The following YTHDF3 variants were observed in gnomAD, a reference collection of about 807,000 sequenced individuals.
YTHDF3 encodes the protein YTH N6-methyladenosine RNA binding protein F3, also known as YTH domain-containing family protein 3.
YTHDF3 carries 9 observed loss-of-function variants against 52.5 expected under a neutral mutation model. The observed-to-expected ratio is 0.17, with a 90% confidence interval of 0.10 to 0.30. The LOEUF (loss-of-function observed/expected upper bound fraction) is 0.30, where lower values mean the gene tolerates loss of function less well. YTHDF3 is among the 10% of genes least tolerant of loss of function. The pLI, the probability that YTHDF3 is intolerant of heterozygous loss-of-function variation, is 1.00. For missense variants in YTHDF3, 534 were observed against 715.0 expected, an observed-to-expected ratio of 0.75 and a Z score of 2.89; for synonymous variants, 274 against 243.3, an observed-to-expected ratio of 1.13 and a Z score of -1.18.
At chr8:63,175,668 A>G in intron 3 of YTHDF3, 1 of 306,142 alleles carries the variant, frequency 3.3e-6, no homozygotes. Context: ...TTATTTGTAT[A>G]TATTATGGTT....
chr8:63,185,010 A>T (rs1808404474), intron 3 of YTHDF3, among the ~76,000 whole-genome samples: 1 of 152,026 alleles, frequency 6.6e-6, no homozygotes, highest in African/African-American at 2.4e-5. Context: ...GGTCTCAGCT[A>T]CTCTGGGAGC....
intron 2 of YTHDF3, chr8:63,172,895 A>T: frequency 1.0e-6 from 1 of 980,732 alleles, no homozygotes; most frequent in Non-Finnish European, 1.3e-6. Flanking sequence ...ACTCCAAGAC[A>T]TTAGCTTGTC....
intron 4 of YTHDF3, among the ~76,000 whole-genome samples, chr8:63,208,372 C>T (rs574496680): frequency 2.4e-4 from 37 of 152,274 alleles, no homozygotes; most frequent in Admixed American, 7.2e-4. Flanking sequence ...TTGCAAAATA[C>T]GATTTATATT....
intron 4 of YTHDF3, among the ~76,000 whole-genome samples, chr8:63,201,117 A>C (rs895711337): frequency 6.6e-6 from 1 of 152,264 alleles, no homozygotes; most frequent in African/African-American, 2.4e-5. Context: ...TTTTTAAGCA[A>C]GGAAGTTACA....
At chr8:63,188,512 A>G (rs1808678806) in intron 4 of YTHDF3, among the ~76,000 whole-genome samples, 1 of 148,726 alleles carries the variant, frequency 6.7e-6, no homozygotes. Flanking sequence ...TTTATTGTAG[A>G]TAGAGGGTTT....
chr8:63,187,782 A>G (rs937264359), intron 4 of YTHDF3, 37 bp downstream of exon 4: 3 of 1,536,862 alleles, frequency 2.0e-6, no homozygotes, highest in African/African-American at 2.8e-5. Context: ...GGGTCTTTGT[A>G]TTGCTGGTGG....
At chr8:63,189,157 A>G (rs1386821698) in intron 4 of YTHDF3, 1 of 152,186 alleles carries the variant, frequency 6.6e-6, no homozygotes, top group Non-Finnish European at 1.5e-5. Flanking sequence ...TCCTGAAATA[A>G]AACATGCTGT....
intron 3 of YTHDF3, among the ~76,000 whole-genome samples, chr8:63,180,063 G>A (rs1807999181): frequency 6.7e-6 from 1 of 148,150 alleles, no homozygotes; most frequent in South Asian, 2.2e-4. Flanking sequence ...CGGCTGGCTG[G>A]GCGGGGGGCT....
chr8:63,180,462 C>T (rs1264428156), intron 3 of YTHDF3, among the ~76,000 whole-genome samples: 54 of 149,612 alleles, frequency 3.6e-4, no homozygotes, highest in South Asian at 2.1e-4. Context: ...AGATGGCGGC[C>T]GGGCAGAGAC....
At chr8:63,190,158 C>T (rs752274239) in intron 4 of YTHDF3, among the ~76,000 whole-genome samples, 10 of 152,066 alleles carry the variant, frequency 6.6e-5, no homozygotes, top group Admixed American at 2.0e-4. Context: ...GTTAGATGTC[C>T]GAGTCACAGA....
intron 3 of YTHDF3, among the ~76,000 whole-genome samples, chr8:63,183,918 A>G (rs888866856): frequency 1.3e-5 from 2 of 152,194 alleles, no homozygotes; most frequent in Admixed American, 6.5e-5. Context: ...AGTTAGTTGT[A>G]TGTAACCTAT....
At chr8:63,171,301 C>T (rs547170372) in intron 2 of YTHDF3, among the ~76,000 whole-genome samples, 2 of 152,120 alleles carry the variant, frequency 1.3e-5, no homozygotes, top group Non-Finnish European at 2.9e-5. Flanking sequence ...AGTCATAATT[C>T]CCATAATTCC....
rs1759201706 is a variant in YTHDF3 at position 63,209,954 on chromosome 8, G to A, written c.*248G>A. ...TGTCCTGAAGCTTTTACCAGTATCT[G>A]CTGTCTTTTGTAATTATGCATCCTA... is the stretch of plus-strand genomic sequence containing the variant. On this transcript the variant is annotated 3_prime_UTR_variant, in exon 5 of 5. Transcript: ENST00000539294. The A allele has an allele frequency of 2.5e-6, 1 of 406,396 alleles. No individual in the cohort carries two copies. 25.2% of individuals were successfully genotyped at this position (406,396 alleles called of 1,614,324 possible). A position where few individuals can be genotyped will look rare whatever the true frequency, so the allele number is the denominator to read the frequency against.
At position 63,187,830 on chromosome 8, in the gene YTHDF3, C is replaced by T. The variant is rs573733663; in HGVS notation, c.1734+85C>T. The stretch of plus-strand genomic sequence containing the variant: ...GGTATATTCTGAGTTTAAGAACTTT[C>T]TGTGAAGGAAACCAACTACTTAAGA... On this transcript the variant is annotated intron_variant, in intron 4 of 4. Coordinates refer to ENST00000539294, the MANE Select transcript of YTHDF3 (RefSeq NM_152758.6). The T allele has an allele frequency of 5.6e-6, 8 of 1,423,882 alleles. No individual in the cohort carries two copies. In the African/African-American group the frequency reaches 1.0e-4, roughly 18 times the overall value. 88.2% of individuals were successfully genotyped at this position (1,423,882 alleles called of 1,614,324 possible).
At chr8:63,201,997 G>C (rs1425137348) in intron 4 of YTHDF3, among the ~76,000 whole-genome samples, 1 of 152,068 alleles carries the variant, frequency 6.6e-6, no homozygotes, top group African/African-American at 2.4e-5. Flanking sequence ...GATCCTGCAT[G>C]TTCTTTTCTT....
At chr8:63,204,361 GTTTTT>G (rs1205321648) in intron 4 of YTHDF3, among the ~76,000 whole-genome samples, 3 of 124,850 alleles carry the variant, frequency 2.4e-5, no homozygotes, top group Non-Finnish European at 5.2e-5. Flanking sequence ...TGTGTTTGTT[GTTTTT>G]TTTTTTTTTT....
chr8:63,211,575 G>A lies in YTHDF3; in HGVS notation c.*1869G>A, dbSNP rs1162174905. On this transcript the variant is annotated 3_prime_UTR_variant, in exon 5 of 5. Coordinates refer to ENST00000539294, the MANE Select transcript of YTHDF3 (RefSeq NM_152758.6). The stretch of plus-strand genomic sequence containing the variant: ...TTATAAAAGGGTGACCTTGTAGGAA[G>A]GATCTGAGTCCTCCCCCTGAGGTTC... 5 of 152,526 alleles carry A rather than the reference G, an allele frequency of 3.3e-5. No individual in the cohort carries two copies. Among genetic ancestry groups the A allele is most frequent in the Non-Finnish European group, 7.4e-5 (5 of 67,972 alleles). 9.4% of individuals were successfully genotyped at this position (152,526 alleles called of 1,614,324 possible). A position where few individuals can be genotyped will look rare whatever the true frequency, so the allele number is the denominator to read the frequency against.
intron 3 of YTHDF3, among the ~76,000 whole-genome samples, chr8:63,181,898 A>G (rs935313010): frequency 3.3e-5 from 5 of 152,162 alleles, no homozygotes; most frequent in Admixed American, 3.3e-4. Context: ...TTATTATGAC[A>G]TTTTTCTTAT....
intron 3 of YTHDF3, among the ~76,000 whole-genome samples, chr8:63,180,651 G>C (rs1229694901): frequency 6.6e-6 from 1 of 152,220 alleles, no homozygotes; most frequent in East Asian, 1.9e-4. Flanking sequence ...GTAGCGAGCC[G>C]AGATCACGCC....
Sources: allele counts gnomAD v4.1 joint callset (sites outside exome capture counted in the v4.1 genomes callset), GRCh38; gene constraint gnomAD v4.1.1; transcripts MANE v1.5; gene names NCBI Gene and HGNC (gene_info 2026-07-23, HGNC 2026-07-21).